Variants in SYNCRIP observed in about 807,000 individuals in gnomAD.
SYNCRIP encodes the protein heterogeneous nuclear ribonucleoprotein Q.
SYNCRIP carries 9 observed loss-of-function variants against 68.9 expected under a neutral mutation model. That is an observed-to-expected ratio of 0.13 (90% CI 0.08 to 0.23). The LOEUF (loss-of-function observed/expected upper bound fraction) is 0.23, where lower values mean the gene tolerates loss of function less well. Ranked by LOEUF, SYNCRIP falls within the 10% of genes least tolerant of loss-of-function variation. The probability of loss-of-function intolerance (pLI) is 1.00; values close to 1 mark genes in which losing one functional copy is unlikely to be tolerated. For synonymous variants in SYNCRIP, 258 were observed against 254.0 expected, an observed-to-expected ratio of 1.02 and a Z score of -0.15; for missense variants, 414 against 770.6, an observed-to-expected ratio of 0.54 and a Z score of 5.48.
intron 2 of SYNCRIP, 29 bp downstream of exon 2, chr6:85,641,263 A>T (rs763784175): frequency 8.6e-5 from 135 of 1,575,220 alleles, no homozygotes; most frequent in Non-Finnish European, 1.2e-4. Context: ...AAAATTTCAT[A>T]ATGTAATTTT....
At chr6:85,626,997 G>A (rs1470249280) in intron 6 of SYNCRIP, among the ~76,000 whole-genome samples, 1 of 152,114 alleles carries the variant, frequency 6.6e-6, no homozygotes, top group East Asian at 1.9e-4. Context: ...CAGGCGCGGT[G>A]GCTCATGCCT....
chr6:85,608,795 T>A (rs1805017690), exon 12 of SYNCRIP: 1 of 152,048 alleles, frequency 6.6e-6, no homozygotes, highest in African/African-American at 2.4e-5. Context: ...ATTTTCAAAC[T>A]GAATGCTTCT....
At chr6:85,632,481 T>G (rs1807911886) in intron 6 of SYNCRIP, among the ~76,000 whole-genome samples, 1 of 152,196 alleles carries the variant, frequency 6.6e-6, no homozygotes, top group African/African-American at 2.4e-5. Flanking sequence ...AAAGGGGTAT[T>G]CATGTCCGCA....
chr6:85,618,951 A>G lies in SYNCRIP; in HGVS notation c.1159-12T>C, dbSNP rs1335377530. The stretch of plus-strand genomic sequence containing the variant: ...ATTTCTTCCATAGCCTTAAAAAATT[A>G]GATAAGTCAATATAAAAATAGGACT... On this transcript the variant is annotated splice_polypyrimidine_tract_variant and intron_variant, in intron 9 of 10. Coordinates refer to ENST00000369622, the MANE Select transcript of SYNCRIP (RefSeq NM_006372.5). The G allele has an allele frequency of 3.5e-5, 56 of 1,597,256 alleles. No individual in the cohort carries two copies. Among genetic ancestry groups the G allele is most frequent in the Non-Finnish European group, 4.4e-5 (51 of 1,171,410 alleles).
chr6:85,636,883 G>T (rs1294010279), intron 6 of SYNCRIP, 84 bp downstream of exon 6: 1 of 1,354,054 alleles, frequency 7.4e-7, no homozygotes, highest in Non-Finnish European at 1.0e-6. Flanking sequence ...AAAATGTTTG[G>T]TAAACTCTTA....
At chr6:85,611,518 T>A (rs1805241322), downstream of SYNCRIP, 1 of 152,452 alleles carries the variant, frequency 6.6e-6, no homozygotes, top group Admixed American at 6.5e-5. Context: ...AGTATCCCTT[T>A]GGGGAAGGGG....
In SYNCRIP at chr6:85,614,658, C is replaced by G; in HGVS notation, c.*98G>C. On this transcript the variant is annotated 3_prime_UTR_variant, in exon 11 of 11. Transcript: ENST00000369622. The stretch of plus-strand genomic sequence containing the variant: ...TTAAAATATATACATAAAGGGAAAT[C>G]TTGCCAGATGTCACAAATTATAGCG... The G allele has an allele frequency of 7.0e-7, 1 of 1,433,802 alleles. No individual in the cohort carries two copies. The highest frequency in any genetic ancestry group is 9.2e-7 in the Non-Finnish European group (1 of 1,092,228). The allele number at this position is 1,433,802 out of a possible 1,614,324, so 88.8% of individuals were successfully genotyped here. A position where few individuals can be genotyped will look rare whatever the true frequency, so the allele number is the denominator to read the frequency against.
chr6:85,619,646 A>G (rs1441365708), intron 8 of SYNCRIP, among the ~76,000 whole-genome samples: 1 of 152,240 alleles, frequency 6.6e-6, no homozygotes, highest in Non-Finnish European at 1.5e-5. Context: ...TACAGATGGC[A>G]AAGAATCTCA....
In SYNCRIP at chr6:85,641,542, T is replaced by C. The variant is rs1268183216; in HGVS notation, c.-12-91A>G. On this transcript the variant is annotated intron_variant, in intron 1 of 10. Transcript: ENST00000369622. ...CCCCATCTTTACTTTCTCTACCATTTACTACACCAGCTAGCCTATACCTCC... is the reference window on the plus strand; with the variant it reads ...CCCCATCTTTACTTTCTCTACCATTCACTACACCAGCTAGCCTATACCTCC... The C allele has an allele frequency of 2.3e-6, 3 of 1,308,496 alleles. No homozygotes were observed. In the African/African-American group the frequency reaches 4.4e-5, roughly 19 times the overall value. 81.1% of individuals were successfully genotyped at this position (1,308,496 alleles called of 1,614,324 possible). A position where few individuals can be genotyped will look rare whatever the true frequency, so the allele number is the denominator to read the frequency against.
chr6:85,642,372 C>A (rs897616677), intron 1 of SYNCRIP, among the ~76,000 whole-genome samples: 7 of 152,138 alleles, frequency 4.6e-5, no homozygotes, highest in Middle Eastern at 3.2e-3. Flanking sequence ...CGACGCCTGC[C>A]CGGCAACCCA....
At chr6:85,639,627 T>C (rs1286830436) in intron 4 of SYNCRIP, among the ~76,000 whole-genome samples, 2 of 152,138 alleles carry the variant, frequency 1.3e-5, no homozygotes, top group African/African-American at 2.4e-5. Flanking sequence ...AATCACCACA[T>C]TGTCTATAAA....
chr6:85,622,069 T>C (rs1208548505), intron 8 of SYNCRIP, among the ~76,000 whole-genome samples: 1 of 151,958 alleles, frequency 6.6e-6, no homozygotes, highest in Non-Finnish European at 1.5e-5. Flanking sequence ...AAAAATATGG[T>C]TTAAAAAAAA....
intron 10 of SYNCRIP, among the ~76,000 whole-genome samples, chr6:85,618,310 G>GT (rs1467516646): frequency 6.6e-6 from 1 of 152,008 alleles, no homozygotes; most frequent in Non-Finnish European, 1.5e-5. Flanking sequence ...GGAGGCAGAG[G>GT]TGGGCGGATC....
intron 10 of SYNCRIP, 57 bp from the exon 11 acceptor site, chr6:85,615,404 G>A (rs1184719811): frequency 8.6e-7 from 1 of 1,165,422 alleles, no homozygotes; most frequent in Non-Finnish European, 1.2e-6. Context: ...TTAACAAGTA[G>A]GCATTTAGCC....
At position 85,635,794 on chromosome 6, in the gene SYNCRIP, A is replaced by G. The variant is rs1020215766; in HGVS notation, c.666+1173T>C. 3.3e-5 allele frequency among the ~76,000 whole-genome samples: 5 copies of G among 150,736 alleles called. No homozygotes were observed. The East Asian group carries it at 5.8e-4, about 17-fold the overall frequency. ...TCTCCCAAAAAAAAAAAAAAAAAAA[A>G]AAAGAAAAGGAAGACTTATGAGTTT... On this transcript the variant is annotated intron_variant, in intron 6 of 10. Transcript: ENST00000369622.
chr6:85,641,726 CG>C (rs1267758132), intron 1 of SYNCRIP, among the ~76,000 whole-genome samples: 1 of 152,120 alleles, frequency 6.6e-6, no homozygotes, highest in Non-Finnish European at 1.5e-5. Context: ...CCAATCAGCA[CG>C]GGTACGAGCC....
In SYNCRIP at chr6:85,615,071, A is replaced by C; in HGVS notation, c.1557T>G (p.Gly519=). Residue 519 remains glycine, a synonymous_variant, in exon 11 of 11, where the codon GGT becomes GGG. Transcript: ENST00000369622. ...CTCCTCTCTGTGAATAACCGGCTCT[A>C]CCGCGGGGAGGAGCAGCCCCACGAC... ...SRGRGAAPPR[G]RAGYSQRGGP... 3 of 1,614,052 alleles carry C rather than the reference A, an allele frequency of 1.9e-6. No individual in the cohort carries two copies. Among genetic ancestry groups the C allele is most frequent in the Non-Finnish European group, 2.5e-6 (3 of 1,180,006 alleles).
chr6:85,623,576 A>AC (rs1410665615), intron 7 of SYNCRIP, among the ~76,000 whole-genome samples: 3 of 150,698 alleles, frequency 2.0e-5, no homozygotes, highest in Non-Finnish European at 2.9e-5. Flanking sequence ...AAAAAAAAAA[A>AC]AAAAAAACAC....
chr6:85,623,562 C>CAGAAAA (rs1806668246), intron 7 of SYNCRIP, among the ~76,000 whole-genome samples: 1 of 63,240 alleles, frequency 1.6e-5, no homozygotes, highest in African/African-American at 6.8e-5. Flanking sequence ...AGACTGTCTC[C>CAGAAAA]AAAAAAAAAA....
Sources: allele counts gnomAD v4.1 joint callset (sites outside exome capture counted in the v4.1 genomes callset), GRCh38; gene constraint gnomAD v4.1.1; transcripts MANE v1.5; gene names NCBI Gene and HGNC (gene_info 2026-07-23, HGNC 2026-07-21).